Variants in PLAGL1 observed in about 807,000 individuals in gnomAD.
The protein encoded by PLAGL1 is zinc finger protein PLAGL1.
In PLAGL1, 1 loss-of-function variant was observed where a neutral mutation model predicts 4.6. That is an observed-to-expected ratio of 0.22 (90% CI 0.08 to 1.03). The LOEUF (loss-of-function observed/expected upper bound fraction) is 1.03. Ranked by LOEUF, PLAGL1 falls within the 50% of genes least tolerant of loss-of-function variation. The probability of loss-of-function intolerance (pLI) is 0.58; values close to 1 mark genes in which losing one functional copy is unlikely to be tolerated. For missense variants in PLAGL1, 464 were observed against 570.4 expected, an observed-to-expected ratio of 0.81 and a Z score of 1.90; for synonymous variants, 240 against 237.8, an observed-to-expected ratio of 1.01 and a Z score of -0.08.
At chr6:143,993,701 T>C (rs1439988094) in intron 1 of PLAGL1, among the ~76,000 whole-genome samples, 1 of 152,204 alleles carries the variant, frequency 6.6e-6, no homozygotes, top group East Asian at 1.9e-4. Flanking sequence ...AGCTTTCCAA[T>C]AGAAGCCAGC....
chr6:144,037,040 A>C (rs1797295320), intron 1 of PLAGL1: 1 of 161,912 alleles, frequency 6.2e-6, no homozygotes, highest in African/African-American at 2.4e-5. Context: ...CTTGTCACAG[A>C]GCACGCCTGC....
intron 1 of PLAGL1, among the ~76,000 whole-genome samples, chr6:143,999,306 C>G (rs990321406): frequency 2.0e-5 from 3 of 152,112 alleles, no homozygotes; most frequent in African/African-American, 7.2e-5. Flanking sequence ...TCCTCGAGAG[C>G]AAACATAAGC....
Position 143,983,663 on chromosome 6 carries a change from A to G in PLAGL1, c.-544+1472T>C, listed in dbSNP as rs116907609. Among the ~76,000 whole-genome samples, 293 of 152,230 alleles carry G rather than the reference A, an allele frequency of 1.9e-3. 4 individuals are homozygous for G. Among genetic ancestry groups the G allele is most frequent in the East Asian group, 0.014 (72 of 5,190 alleles). On this transcript the variant is annotated intron_variant, in intron 2 of 7. Transcript: ENST00000674357. The surrounding 1 kb of genome is among the most constrained non-coding windows in gnomAD (Gnocchi z 6.6). ...GACAGAGAAGATGAGTGGATGAGTG[A>G]TTTTAATGAGAGGGTAGGCTATTGA...
At chr6:143,976,811 T>G (rs1262148007) in intron 2 of PLAGL1, among the ~76,000 whole-genome samples, 1 of 152,184 alleles carries the variant, frequency 6.6e-6, no homozygotes, top group Non-Finnish European at 1.5e-5. Context: ...TGAAAGATGT[T>G]CAGACATTTT....
rs1377413351 is a variant in PLAGL1, at chr6:143,994,889, A to G, written c.-583-9715T>C. Reference sequence around the variant, plus strand: ...GTTTGCTCTTAGCAAATTTGCATTAATTTCAGATTTTCTGAACTCACGGAG... The same window carrying G: ...GTTTGCTCTTAGCAAATTTGCATTAGTTTCAGATTTTCTGAACTCACGGAG... On this transcript the variant is annotated intron_variant, in intron 1 of 7. Transcript: ENST00000674357. This position sits in a 1 kb window ranked among gnomAD's most constrained non-coding sequence, Gnocchi z 4.3. 2.0e-5 allele frequency among the ~76,000 whole-genome samples: 3 copies of G among 152,192 alleles called. No homozygotes were observed. The highest frequency in any genetic ancestry group is 4.4e-5 in the Non-Finnish European group (3 of 68,026).
intron 2 of PLAGL1, among the ~76,000 whole-genome samples, chr6:143,974,758 A>G (rs1786134497): frequency 6.6e-6 from 1 of 152,148 alleles, no homozygotes; most frequent in South Asian, 2.1e-4. Context: ...TTCCTCAAAA[A>G]CTATGTATCT....
intron 1 of PLAGL1, among the ~76,000 whole-genome samples, chr6:144,023,208 C>G (rs1053937352): frequency 2.6e-5 from 4 of 152,124 alleles, no homozygotes; most frequent in Non-Finnish European, 5.9e-5. Flanking sequence ...AAAAACAAAT[C>G]AAACTCACCA....
At position 144,042,532 on chromosome 6, in the gene PLAGL1, T is replaced by C. The variant is rs1245287578; in HGVS notation, c.-151+21936A>G. Among the ~76,000 whole-genome samples, 8 of 152,242 alleles carry C rather than the reference T, an allele frequency of 5.3e-5. No homozygotes were observed. In the South Asian group the frequency reaches 1.4e-3, roughly 28 times the overall value. On this transcript the variant is annotated intron_variant, in intron 1 of 3. Transcript: ENST00000437412. Reference sequence around the variant, plus strand: ...GCCTCTGTTCTGTTCCACTGGTTTATATATCTGTTTTGGTACCAGTACCAT... The same window carrying C: ...GCCTCTGTTCTGTTCCACTGGTTTACATATCTGTTTTGGTACCAGTACCAT...
At chr6:144,033,574 G>A (rs1796992503) in intron 1 of PLAGL1, among the ~76,000 whole-genome samples, 1 of 152,194 alleles carries the variant, frequency 6.6e-6, no homozygotes, top group African/African-American at 2.4e-5. Context: ...AGAAACTGCA[G>A]TAAGGATGAT....
At chr6:144,038,976 A>C (rs755739824) in intron 1 of PLAGL1, among the ~76,000 whole-genome samples, 1 of 152,220 alleles carries the variant, frequency 6.6e-6, no homozygotes, top group Non-Finnish European at 1.5e-5. Flanking sequence ...TGTTTTTTAC[A>C]AAAAGAAAAG....
Position 143,979,420 on chromosome 6 carries a change from C to A in PLAGL1, c.-544+5715G>T, listed in dbSNP as rs544965704. Among the ~76,000 whole-genome samples the A allele has an allele frequency of 1.3e-5, 2 of 152,116 alleles. No individual in the cohort carries two copies. The highest frequency in any genetic ancestry group is 2.9e-5 in the Non-Finnish European group (2 of 67,914). On this transcript the variant is annotated intron_variant, in intron 2 of 7. Coordinates refer to ENST00000674357, the MANE Select transcript of PLAGL1 (RefSeq NM_001317162.2). This position sits in a 1 kb window ranked among gnomAD's most constrained non-coding sequence, Gnocchi z 4.6. ...TTGTTGTCTAATTGCCTCAATTATT[C>A]TTTGTTCCTTTTCTTTCTTCTTTTG...
At position 144,004,683 on chromosome 6, in the gene PLAGL1, C is replaced by T. The variant is rs1396932441; in HGVS notation, c.-584+3407G>A. Among the ~76,000 whole-genome samples the T allele has an allele frequency of 2.0e-5, 3 of 151,932 alleles. No individual in the cohort carries two copies. Among genetic ancestry groups the T allele is most frequent in the Non-Finnish European group, 1.5e-5 (1 of 67,976 alleles). The stretch of plus-strand genomic sequence containing the variant: ...AAGGTATACACATATGTAAATTTCA[C>T]CAAGCTACACACTTTTTTTTGTTGT... On this transcript the variant is annotated intron_variant, in intron 1 of 7. Transcript: ENST00000674357. This position sits in a 1 kb window ranked among gnomAD's most constrained non-coding sequence, Gnocchi z 4.2.
chr6:144,023,768 CTTTTT>C (rs34002736), intron 1 of PLAGL1, among the ~76,000 whole-genome samples: 1 of 72,662 alleles, frequency 1.4e-5, no homozygotes, highest in Non-Finnish European at 2.6e-5. Context: ...TCATATTTAG[CTTTTT>C]TTTTTTTTTT....
At chr6:143,977,793 C>A (rs991073723) in intron 2 of PLAGL1, among the ~76,000 whole-genome samples, 1 of 152,118 alleles carries the variant, frequency 6.6e-6, no homozygotes, top group African/African-American at 2.4e-5. Flanking sequence ...AGCCACTGCA[C>A]CCGGCCAGCT....
At position 144,027,230 on chromosome 6, in the gene PLAGL1, C is replaced by CGAAAGAAAGAAAAAGAAAGAAA. The variant is rs761735778; in HGVS notation, c.-151+37237_-151+37238insTTTCTTTCTTTTTCTTTCTTTC. Among the ~76,000 whole-genome samples the CGAAAGAAAGAAAAAGAAAGAAA allele has an allele frequency of 3.1e-3, 308 of 99,164 alleles. 7 individuals carry two copies. The highest frequency in any genetic ancestry group is 0.012 in the African/African-American group (292 of 24,166). 65.1% of individuals were successfully genotyped at this position (99,164 alleles called of 152,430 possible). A position where few individuals can be genotyped will look rare whatever the true frequency, so the allele number is the denominator to read the frequency against. On this transcript the variant is annotated intron_variant, in intron 1 of 3. Coordinates refer to the PLAGL1 transcript ENST00000437412. This position sits in a 1 kb window ranked among gnomAD's most constrained non-coding sequence, Gnocchi z 5.8. ...CAGAGAAAGACCCCAACTCAAAGAA[C>CGAAAGAAAGAAAAAGAAAGAAA]GAACGAAAGAAAGAAAGAAAGAAAG...
chr6:143,998,671 A>G (rs924348402), intron 1 of PLAGL1, among the ~76,000 whole-genome samples: 1 of 152,264 alleles, frequency 6.6e-6, no homozygotes, highest in Non-Finnish European at 1.5e-5. Context: ...GAATTTAACA[A>G]GGGCTATAGA....
chr6:143,941,326 C>T lies in PLAGL1; in HGVS notation c.*98G>A, dbSNP rs1031203892. 7.9e-6 allele frequency: 7 copies of T among 884,022 alleles called. No homozygotes were observed. Among genetic ancestry groups the T allele is most frequent in the Non-Finnish European group, 1.0e-5 (6 of 595,560 alleles). 54.8% of individuals were successfully genotyped at this position (884,022 alleles called of 1,614,324 possible). A position where few individuals can be genotyped will look rare whatever the true frequency, so the allele number is the denominator to read the frequency against. ...AGTCATCACTGAATAAGCCATAGTC[C>T]CAGTCTCGTTTTCCAAATCTTTCTC... is the stretch of plus-strand genomic sequence containing the variant. On this transcript the variant is annotated 3_prime_UTR_variant, in exon 8 of 8. Transcript: ENST00000674357. This position sits in a 1 kb window ranked among gnomAD's most constrained non-coding sequence, Gnocchi z 6.0.
rs1797036414 is a variant in PLAGL1, at chr6:144,034,049, G to A, written c.-151+30419C>T. Reference sequence around the variant, plus strand: ...ATGCTTTTACTACACTACAGACATGGTCTCCATGTAGTACATATAAAACTG... The same window carrying A: ...ATGCTTTTACTACACTACAGACATGATCTCCATGTAGTACATATAAAACTG... On this transcript the variant is annotated intron_variant, in intron 1 of 3. Coordinates refer to the PLAGL1 transcript ENST00000437412. This position sits in a 1 kb window ranked among gnomAD's most constrained non-coding sequence, Gnocchi z 4.7. Among the ~76,000 whole-genome samples, 1 of 152,140 alleles carries A rather than the reference G, an allele frequency of 6.6e-6. No homozygotes were observed. The highest frequency in any genetic ancestry group is 1.5e-5 in the Non-Finnish European group (1 of 68,032).
chr6:143,987,324 C>T (rs1311341535), intron 1 of PLAGL1, among the ~76,000 whole-genome samples: 1 of 151,728 alleles, frequency 6.6e-6, no homozygotes, highest in Non-Finnish European at 1.5e-5. Context: ...CCCACCTCAG[C>T]CTCCGAACAC....
Sources: allele counts gnomAD v4.1 joint callset (sites outside exome capture counted in the v4.1 genomes callset), GRCh38; gene constraint gnomAD v4.1.1; non-coding constraint Gnocchi (gnomAD v3.1); transcripts MANE v1.5; gene names NCBI Gene and HGNC (gene_info 2026-07-23, HGNC 2026-07-21).